Variants in HIVEP1 observed in about 807,000 individuals in gnomAD.
The protein encoded by HIVEP1 is zinc finger protein 40.
HIVEP1 carries 36 observed loss-of-function variants against 180.0 expected under a neutral mutation model. That is an observed-to-expected ratio of 0.20 (90% CI 0.15 to 0.26). The LOEUF (loss-of-function observed/expected upper bound fraction) is 0.26, where lower values mean the gene tolerates loss of function less well. Among genes scored for constraint, HIVEP1 ranks in the 10% least tolerant of loss-of-function variants. The pLI, the probability that HIVEP1 is intolerant of heterozygous loss-of-function variation, is 1.00. For missense variants in HIVEP1, 3,143 were observed against 3,268.7 expected, an observed-to-expected ratio of 0.96 and a Z score of 0.94; for synonymous variants, 1,239 against 1,239.0, an observed-to-expected ratio of 1.00 and a Z score of 0.00.
chr6:12,042,729 T>C (rs779566218), intron 2 of HIVEP1, among the ~76,000 whole-genome samples: 5 of 152,146 alleles, frequency 3.3e-5, no homozygotes, highest in South Asian at 2.1e-4. Flanking sequence ...TTATCAAATA[T>C]TTTATTGATT....
intron 1 of HIVEP1, among the ~76,000 whole-genome samples, chr6:12,015,275 A>G (rs1767668807): frequency 6.6e-6 from 1 of 152,232 alleles, no homozygotes; most frequent in South Asian, 2.1e-4. Flanking sequence ...TTGTTGTTTT[A>G]AAACACAAAG....
At chr6:12,090,752 T>A (rs1251757942) in intron 3 of HIVEP1, among the ~76,000 whole-genome samples, 1 of 149,042 alleles carries the variant, frequency 6.7e-6, no homozygotes, top group Non-Finnish European at 1.5e-5. Flanking sequence ...TTTTTTTTTT[T>A]TTTTTTTACA....
At chr6:12,159,725 C>A (rs1221254254) in intron 7 of HIVEP1, among the ~76,000 whole-genome samples, 1 of 152,170 alleles carries the variant, frequency 6.6e-6, no homozygotes, top group Non-Finnish European at 1.5e-5. Context: ...TATTTTATTT[C>A]ATTACTTATT....
intron 2 of HIVEP1, among the ~76,000 whole-genome samples, chr6:12,035,159 T>C (rs1463742122): frequency 3.9e-5 from 6 of 152,314 alleles, no homozygotes; most frequent in African/African-American, 1.4e-4. Context: ...ATGAGTTTAA[T>C]CTGTGACAGA....
At position 12,099,183 on chromosome 6, in the gene HIVEP1, G is replaced by GGTTTTTTTTTTTTTTTTTTTTT. The variant is rs373744044; in HGVS notation, c.94+9946_94+9947insGTTTTTTTTTTTTTTTTTTTTT. On this transcript the variant is annotated intron_variant, in intron 3 of 8. Coordinates refer to ENST00000379388, the MANE Select transcript of HIVEP1 (RefSeq NM_002114.4). ...AGGAGCCAGAGGGAAATGTCACTGAGTTTTTTTTTTTTTTTTGAGACGGAG... is the reference window on the plus strand; with the variant it reads ...AGGAGCCAGAGGGAAATGTCACTGAGGTTTTTTTTTTTTTTTTTTTTTTTTTTTTTTTTTTTTTGAGACGGAG... Among the ~76,000 whole-genome samples, 11 of 138,442 alleles carry GGTTTTTTTTTTTTTTTTTTTTT rather than the reference G, an allele frequency of 7.9e-5. 1 individual carries two copies. Among genetic ancestry groups the GGTTTTTTTTTTTTTTTTTTTTT allele is most frequent in the African/African-American group, 2.7e-4 (10 of 36,560 alleles). 90.8% of individuals were successfully genotyped at this position (138,442 alleles called of 152,430 possible).
At chr6:12,197,434 C>G in the HIVEP1 span, among the ~76,000 whole-genome samples, 1 of 151,596 alleles carries the variant, frequency 6.6e-6, no homozygotes. Context: ...TGGCATGTGC[C>G]TGTAATCCCA....
intron 2 of HIVEP1, among the ~76,000 whole-genome samples, chr6:12,073,022 A>C (rs1309659089): frequency 6.6e-6 from 1 of 152,188 alleles, no homozygotes; most frequent in Non-Finnish European, 1.5e-5. Context: ...AATCACATAG[A>C]GAACAATGTG....
chr6:12,107,125 A>G (rs1774480663), intron 3 of HIVEP1, among the ~76,000 whole-genome samples: 1 of 152,204 alleles, frequency 6.6e-6, no homozygotes, highest in Non-Finnish European at 1.5e-5. Flanking sequence ...TTGAATATGC[A>G]TACCCTAGAG....
At chr6:12,152,963 G>A (rs754343728) in intron 7 of HIVEP1, among the ~76,000 whole-genome samples, 7 of 152,108 alleles carry the variant, frequency 4.6e-5, no homozygotes, top group East Asian at 1.9e-4. Flanking sequence ...TATGGTGTTC[G>A]TTTTAAATTA....
chr6:12,115,350 CTTTTTTTT>C (rs34074662), intron 3 of HIVEP1, among the ~76,000 whole-genome samples: 23 of 75,296 alleles, frequency 3.1e-4, no homozygotes, highest in African/African-American at 7.0e-4. Context: ...CCCAACTATT[CTTTTTTTT>C]TTTTTTTTTT....
chr6:12,202,396 C>T, the HIVEP1 span, among the ~76,000 whole-genome samples: 1 of 152,128 alleles, frequency 6.6e-6, no homozygotes, highest in African/African-American at 2.4e-5. Context: ...GTCTTGGCCT[C>T]TCAAAGTGCT....
intron 3 of HIVEP1, among the ~76,000 whole-genome samples, chr6:12,092,016 A>G (rs1773508735): frequency 6.6e-6 from 1 of 152,216 alleles, no homozygotes; most frequent in Non-Finnish European, 1.5e-5. Flanking sequence ...TTAAATTTTT[A>G]TCATACAATG....
chr6:12,069,871 A>C (rs1771853194), intron 2 of HIVEP1, among the ~76,000 whole-genome samples: 1 of 152,062 alleles, frequency 6.6e-6, no homozygotes, highest in Admixed American at 6.6e-5. Flanking sequence ...ATAGCTGTAC[A>C]AAAATATTTT....
At chr6:12,104,591 G>GT (rs551462291) in intron 3 of HIVEP1, among the ~76,000 whole-genome samples, 20 of 150,300 alleles carry the variant, frequency 1.3e-4, no homozygotes, top group Non-Finnish European at 2.4e-4. Flanking sequence ...GATTATATTT[G>GT]TTTTTTGTTT....
At chr6:12,141,836 A>G (rs1036347951) in intron 7 of HIVEP1, among the ~76,000 whole-genome samples, 1 of 152,050 alleles carries the variant, frequency 6.6e-6, no homozygotes, top group Non-Finnish European at 1.5e-5. Context: ...AGAGCTAACT[A>G]TCCTAAATAT....
rs776308189 is a variant in HIVEP1 at position 12,120,061 on chromosome 6, G to A, written c.266G>A (p.Ser89Asn). 1.2e-6 allele frequency: 2 copies of A among 1,612,814 alleles called. No individual in the cohort carries two copies. The highest frequency in any genetic ancestry group is 1.7e-6 in the Non-Finnish European group (2 of 1,179,698). ...GAGTCATCTTTCGCCGTTCTTCATA[G>A]TGCTTCGGAGTCTCACAAGAAACAG... ...TEESSFAVLH[S>N]ASESHKKQNY... Residue 89 changes from serine (S) to asparagine (N), a missense_variant, in exon 4 of 9, where the codon AGT (serine) becomes AAT (asparagine). This residue lies in a region of HIVEP1 where 114 missense variants were observed against 134.5 expected (regional missense o/e 0.85). Coordinates refer to ENST00000379388, the MANE Select transcript of HIVEP1 (RefSeq NM_002114.4).
At chr6:12,011,942 C>G (rs941514259), upstream of HIVEP1, 1 of 145,516 alleles carries the variant, frequency 6.9e-6, no homozygotes, top group Non-Finnish European at 1.5e-5. Flanking sequence ...CCGCCCCGCC[C>G]ACCCGCGGGA....
intron 2 of HIVEP1, among the ~76,000 whole-genome samples, chr6:12,032,741 G>A (rs1362353009): frequency 1.3e-5 from 2 of 152,174 alleles, no homozygotes; most frequent in South Asian, 4.1e-4. Context: ...GGTTGTGGGT[G>A]TGTTTTTGGC....
intron 7 of HIVEP1, among the ~76,000 whole-genome samples, chr6:12,151,215 C>T (rs1185389610): frequency 6.6e-6 from 1 of 152,116 alleles, no homozygotes; most frequent in East Asian, 1.9e-4. Flanking sequence ...AGGAATTAAT[C>T]TTGTGCTGAT....
Sources: gnomAD v4.1 joint callset for allele counts (sites outside exome capture counted in the v4.1 genomes callset) on GRCh38, gnomAD v4.1.1 for gene constraint, gnomAD v4.1.1 regional missense constraint, MANE v1.5 for transcripts, NCBI Gene and HGNC (gene_info 2026-07-23, HGNC 2026-07-21) for gene names.